The following SRD5A2 variants were observed in gnomAD, a reference collection of about 807,000 sequenced individuals.
The protein encoded by SRD5A2 is 3-oxo-5-alpha-steroid 4-dehydrogenase 2.
In SRD5A2, 30 loss-of-function variants were observed where a neutral mutation model predicts 27.4. That is an observed-to-expected ratio of 1.10 (90% CI 0.82 to 1.49). SRD5A2 has a LOEUF of 1.49. Among genes scored for constraint, SRD5A2 ranks in the 40% most tolerant of loss-of-function variants. SRD5A2 has a pLI of 0.00. For missense variants in SRD5A2, 348 were observed against 323.4 expected (o/e 1.08, Z -0.58); for synonymous variants, 141 against 133.6 (o/e 1.06, Z -0.38).
the SRD5A2 span, among the ~76,000 whole-genome samples, chr2:31,643,132 C>T: frequency 2.0e-5 from 3 of 152,170 alleles, no homozygotes; most frequent in South Asian, 2.1e-4. Context: ...AAAAATTCAT[C>T]AAATAGTCCT....
In SRD5A2 at chr2:31,571,164, A is replaced by G. The variant is rs191674176; in HGVS notation, c.281+9456T>C. 2.7e-3 allele frequency among the ~76,000 whole-genome samples: 410 copies of G among 152,318 alleles called. 1 individual carries two copies. Among genetic ancestry groups the G allele is most frequent in the Admixed American group, 6.5e-3 (99 of 15,294 alleles). On this transcript the variant is annotated intron_variant, in intron 1 of 4. Transcript: ENST00000622030. ...AACCAAAACAGCGTGGCACTGGTAC[A>G]AAAACAGACATATAGACCAATGGAA...
upstream of SRD5A2, among the ~76,000 whole-genome samples, chr2:31,584,512 C>T (rs1667144543): frequency 6.6e-6 from 1 of 152,168 alleles, no homozygotes; most frequent in African/African-American, 2.4e-5. Flanking sequence ...ATAACACTGT[C>T]CTTACTTCAG....
At chr2:31,605,796 G>A in the SRD5A2 span, among the ~76,000 whole-genome samples, 4 of 151,626 alleles carry the variant, frequency 2.6e-5, no homozygotes, top group Middle Eastern at 3.4e-3. Flanking sequence ...CCCACTGCTG[G>A]GTACATACCC....
chr2:31,601,552 C>T, the SRD5A2 span, among the ~76,000 whole-genome samples: 1 of 152,034 alleles, frequency 6.6e-6, no homozygotes, highest in Non-Finnish European at 1.5e-5. Context: ...GGGACTCCTC[C>T]CTAACCCATT....
chr2:31,653,035 A>G, the SRD5A2 span, among the ~76,000 whole-genome samples: 1 of 152,152 alleles, frequency 6.6e-6, no homozygotes, highest in African/African-American at 2.4e-5. Flanking sequence ...TCATCAACTA[A>G]GAGCACCAGT....
chr2:31,642,417 A>C, the SRD5A2 span, among the ~76,000 whole-genome samples: 4 of 152,036 alleles, frequency 2.6e-5, no homozygotes, highest in Non-Finnish European at 5.9e-5. Flanking sequence ...AACCCCATTA[A>C]AATATAGGTG....
chr2:31,612,076 T>C, the SRD5A2 span, among the ~76,000 whole-genome samples: 1 of 152,032 alleles, frequency 6.6e-6, no homozygotes. Flanking sequence ...CCAGAAGTTT[T>C]AGACCAGCTG....
At chr2:31,576,236 C>A (rs1666957129) in intron 1 of SRD5A2, among the ~76,000 whole-genome samples, 1 of 95,702 alleles carries the variant, frequency 1.0e-5, no homozygotes. Context: ...AAAATTTTCG[C>A]AACCTACTCA....
intron 1 of SRD5A2, among the ~76,000 whole-genome samples, chr2:31,567,456 G>GTGTGTGTGTGTGTA (rs143408801): frequency 6.4e-5 from 9 of 140,240 alleles, no homozygotes; most frequent in Non-Finnish European, 1.2e-4. Context: ...GTGTGTGTGT[G>GTGTGTGTGTGTGTA]TATATATATA....
the SRD5A2 span, among the ~76,000 whole-genome samples, chr2:31,626,403 G>A: frequency 6.6e-6 from 1 of 152,130 alleles, no homozygotes; most frequent in Admixed American, 6.5e-5. Context: ...TGTTGAATGG[G>A]AGTGGTGAGA....
chr2:31,650,097 A>T, the SRD5A2 span, among the ~76,000 whole-genome samples: 7 of 152,220 alleles, frequency 4.6e-5, no homozygotes, highest in East Asian at 9.7e-4. Flanking sequence ...TGTTATTCAG[A>T]ATGAAACCAT....
At chr2:31,572,525 G>T (rs1053024036) in intron 1 of SRD5A2, among the ~76,000 whole-genome samples, 43 of 152,120 alleles carry the variant, frequency 2.8e-4, no homozygotes, top group Non-Finnish European at 5.4e-4. Context: ...GAAAATATTT[G>T]CTAAGTTTAT....
At chr2:31,621,270 G>C in the SRD5A2 span, among the ~76,000 whole-genome samples, 9 of 151,930 alleles carry the variant, frequency 5.9e-5, no homozygotes, top group Admixed American at 2.0e-4. Flanking sequence ...CCTTTCCATT[G>C]CTCCTCATCT....
the SRD5A2 span, among the ~76,000 whole-genome samples, chr2:31,640,266 T>C: frequency 6.6e-6 from 1 of 152,162 alleles, no homozygotes; most frequent in Admixed American, 6.5e-5. Flanking sequence ...ATCTTAAAGA[T>C]CACTAAGTTT....
At chr2:31,623,420 A>T in the SRD5A2 span, among the ~76,000 whole-genome samples, 1 of 152,272 alleles carries the variant, frequency 6.6e-6, no homozygotes, top group South Asian at 2.1e-4. Context: ...GCAAATTTCA[A>T]CAATGCAAAA....
chr2:31,628,488 T>C, the SRD5A2 span, among the ~76,000 whole-genome samples: 1 of 152,190 alleles, frequency 6.6e-6, no homozygotes, highest in African/African-American at 2.4e-5. Context: ...TTAGTATTGA[T>C]ATGTGTGGAT....
chr2:31,625,373 C>G, the SRD5A2 span, among the ~76,000 whole-genome samples: 1 of 152,252 alleles, frequency 6.6e-6, no homozygotes, highest in South Asian at 2.1e-4. Context: ...AATTAGATCC[C>G]ATTTGTCTAT....
chr2:31,641,890 G>A, the SRD5A2 span, among the ~76,000 whole-genome samples: 5 of 151,840 alleles, frequency 3.3e-5, no homozygotes, highest in African/African-American at 1.2e-4. Context: ...ATTTTCAGTA[G>A]AATTATTAAG....
At chr2:31,593,288 A>G in the SRD5A2 span, among the ~76,000 whole-genome samples, 1 of 152,160 alleles carries the variant, frequency 6.6e-6, no homozygotes, top group African/African-American at 2.4e-5. Flanking sequence ...ATTTTCAAAA[A>G]AATACAAAAT....
Sources: allele counts gnomAD v4.1 joint callset (sites outside exome capture counted in the v4.1 genomes callset), GRCh38; gene constraint gnomAD v4.1.1; transcripts MANE v1.5; gene names NCBI Gene and HGNC (gene_info 2026-07-23, HGNC 2026-07-21).